ROCK1: variants seen among roughly 807,000 people sequenced by gnomAD.
ROCK1 encodes rho-associated protein kinase 1.
ROCK1 carries 36 observed loss-of-function variants against 196.8 expected under a neutral mutation model. The observed-to-expected ratio is 0.18, with a 90% CI of 0.14 to 0.24. ROCK1 has a LOEUF of 0.24. Among genes scored for constraint, ROCK1 ranks in the 10% least tolerant of loss-of-function variants. The pLI is 1.00. For missense variants in ROCK1, 920 were observed against 1,562.0 expected (o/e 0.59, Z 6.93); for synonymous variants, 443 against 515.9 (o/e 0.86, Z 1.91).
At position 20,947,471 on chromosome 18, in the gene ROCK1, T is replaced by C. The variant is rs1279980166; in HGVS notation, c.*3913A>G. The C allele has an allele frequency of 6.6e-6, 1 of 152,104 alleles. No individual in the cohort carries two copies. Among genetic ancestry groups the C allele is most frequent in the Non-Finnish European group, 1.5e-5 (1 of 68,032 alleles). 9.4% of individuals were successfully genotyped at this position (152,104 alleles called of 1,614,324 possible). A position where few individuals can be genotyped will look rare whatever the true frequency, so the allele number is the denominator to read the frequency against. On this transcript the variant is annotated 3_prime_UTR_variant, in exon 33 of 33. Coordinates refer to ENST00000399799, the MANE Select transcript of ROCK1 (RefSeq NM_005406.3). ...AGGCCATTGAGCATGGCTTTATATA[T>C]ACATACTATCCAACCAGAAATTGAT...
At chr18:21,038,241 T>TGAATAATTAA in intron 9 of ROCK1, among the ~76,000 whole-genome samples, 1 of 152,108 alleles carries the variant, frequency 6.6e-6, no homozygotes, top group Admixed American at 6.5e-5. Flanking sequence ...AGATAATAAT[T>TGAATAATTAA]ATGTCACATT....
chr18:20,966,057 TTATG>T (rs1402444906), intron 27 of ROCK1, among the ~76,000 whole-genome samples: 1 of 152,198 alleles, frequency 6.6e-6, no homozygotes, highest in African/African-American at 2.4e-5. Context: ...ATCTTCCTAT[TTATG>T]TATTATTCAG....
intron 2 of ROCK1, among the ~76,000 whole-genome samples, chr18:21,064,449 C>A (rs1251026742): frequency 2.6e-5 from 4 of 152,214 alleles, no homozygotes; most frequent in Non-Finnish European, 5.9e-5. Flanking sequence ...GTGTTTCCAT[C>A]CATGAGATGG....
intron 19 of ROCK1, 88 bp from the exon 20 acceptor site, chr18:20,984,623 A>G (rs1475654227): frequency 8.8e-6 from 8 of 906,752 alleles, no homozygotes; most frequent in Non-Finnish European, 1.3e-5. Context: ...AATCAAGTAC[A>G]TTATAATTCA....
intron 2 of ROCK1, 105 bp from the exon 3 acceptor site, chr18:21,049,985 C>T: frequency 1.9e-6 from 1 of 531,282 alleles, no homozygotes; most frequent in Non-Finnish European, 3.2e-6. Flanking sequence ...AAACAACAAA[C>T]TTCATGAAGA....
intron 13 of ROCK1, among the ~76,000 whole-genome samples, chr18:21,014,256 C>A (rs1343937190): frequency 6.6e-6 from 1 of 152,064 alleles, no homozygotes; most frequent in African/African-American, 2.4e-5. Flanking sequence ...TTCTCCGGCA[C>A]CCCGTCTAGG....
At chr18:20,963,943 T>C (rs2035349815) in intron 27 of ROCK1, among the ~76,000 whole-genome samples, 1 of 152,028 alleles carries the variant, frequency 6.6e-6, no homozygotes. Flanking sequence ...TTAAATAAAG[T>C]TTTTAGAATT....
chr18:20,959,082 ATATTTT>A (rs1175352895), intron 29 of ROCK1, among the ~76,000 whole-genome samples: 2 of 38,060 alleles, frequency 5.3e-5, no homozygotes, highest in African/African-American at 1.6e-4. Flanking sequence ...TATAATATAT[ATATTTT>A]ATATAATATA....
At chr18:20,964,772 A>C (rs2035357364) in intron 27 of ROCK1, among the ~76,000 whole-genome samples, 1 of 152,238 alleles carries the variant, frequency 6.6e-6, no homozygotes, top group Non-Finnish European at 1.5e-5. Flanking sequence ...TTGCTCAATA[A>C]GTCAATTTAT....
chr18:21,066,199 A>G (rs1268284699), intron 2 of ROCK1, among the ~76,000 whole-genome samples: 1 of 152,184 alleles, frequency 6.6e-6, no homozygotes, highest in Non-Finnish European at 1.5e-5. Context: ...ATAAAAACAC[A>G]ATGCCAGTAA....
chr18:20,958,927 ATATAT>A (rs1240410406), intron 29 of ROCK1, among the ~76,000 whole-genome samples: 1 of 90,290 alleles, frequency 1.1e-5, no homozygotes, highest in Non-Finnish European at 2.0e-5. Context: ...TATTTTATAT[ATATAT>A]TATATAAAAA....
At chr18:21,099,911 C>T (rs1305067514) in intron 1 of ROCK1, among the ~76,000 whole-genome samples, 2 of 152,112 alleles carry the variant, frequency 1.3e-5, no homozygotes, top group African/African-American at 4.8e-5. Context: ...TGGCACATGC[C>T]TGTAGTCCCA....
intron 1 of ROCK1, among the ~76,000 whole-genome samples, chr18:21,084,598 G>C (rs2036510913): frequency 6.6e-6 from 1 of 152,112 alleles, no homozygotes; most frequent in Non-Finnish European, 1.5e-5. Context: ...TAAAAAATCA[G>C]AAAAGAACAA....
intron 29 of ROCK1, among the ~76,000 whole-genome samples, chr18:20,958,999 T>A (rs1397819272): frequency 1.2e-5 from 1 of 82,660 alleles, no homozygotes; most frequent in Non-Finnish European, 2.2e-5. Context: ...AAAAATAATA[T>A]ATATATTTTA....
chr18:21,053,497 A>C (rs2036221839), intron 2 of ROCK1, among the ~76,000 whole-genome samples: 1 of 152,172 alleles, frequency 6.6e-6, no homozygotes, highest in South Asian at 2.1e-4. Context: ...ATGCTTTGCC[A>C]CCTAACTTGA....
intron 1 of ROCK1, among the ~76,000 whole-genome samples, chr18:21,074,395 CA>C: frequency 6.6e-6 from 1 of 152,250 alleles, no homozygotes; most frequent in African/African-American, 2.4e-5. Context: ...GTACAACAAA[CA>C]ATGGCTCTTC....
At chr18:21,024,151 C>A (rs565908817) in intron 10 of ROCK1, among the ~76,000 whole-genome samples, 1 of 152,302 alleles carries the variant, frequency 6.6e-6, no homozygotes, top group African/African-American at 2.4e-5. Flanking sequence ...ACCCAACTAT[C>A]CTTCAGCAAA....
chr18:21,043,033 C>A (rs1367415660), intron 6 of ROCK1, among the ~76,000 whole-genome samples: 1 of 152,054 alleles, frequency 6.6e-6, no homozygotes, highest in Non-Finnish European at 1.5e-5. Context: ...AACATACTGC[C>A]ACATTTATTA....
At chr18:21,097,536 G>A (rs1363940145) in intron 1 of ROCK1, among the ~76,000 whole-genome samples, 10 of 152,112 alleles carry the variant, frequency 6.6e-5, no homozygotes, top group Non-Finnish European at 1.5e-4. Flanking sequence ...TTCTCATTTT[G>A]CAGATTAAAT....
Sources: allele counts gnomAD v4.1 joint callset (sites outside exome capture counted in the v4.1 genomes callset), GRCh38; gene constraint gnomAD v4.1.1; transcripts MANE v1.5; gene names NCBI Gene and HGNC (gene_info 2026-07-23, HGNC 2026-07-21).